Variants in DMPK observed in about 807,000 individuals in gnomAD.
DMPK encodes the protein DM1 protein kinase.
DMPK carries 32 observed loss-of-function variants against 70.3 expected under a neutral mutation model. The observed-to-expected ratio is 0.46, with a 90% CI of 0.34 to 0.61. The LOEUF (loss-of-function observed/expected upper bound fraction) is 0.61, where lower values mean the gene tolerates loss of function less well. Among genes scored for constraint, DMPK ranks in the 20% least tolerant of loss-of-function variants. The pLI, the probability that DMPK is intolerant of heterozygous loss-of-function variation, is 0.01. For missense variants in DMPK, 899 were observed against 886.0 expected (o/e 1.01, Z -0.19); for synonymous variants, 469 against 390.9 (o/e 1.20, Z -2.36).
At chr19:45,774,771 T>C (rs999295023) in intron 9 of DMPK, among the ~76,000 whole-genome samples, 178 bp downstream of exon 9, 1 of 152,204 alleles carries the variant, frequency 6.6e-6, no homozygotes, top group African/African-American at 2.4e-5. Context: ...ATCTAACATT[T>C]TGAAGTACAT....
At chr19:45,775,077 G>A (rs752005444) in intron 8 of DMPK, 43 bp from the exon 9 acceptor site, 22 of 1,495,858 alleles carry the variant, frequency 1.5e-5, no homozygotes, top group East Asian at 2.3e-5. Context: ...GTCAGGGCGG[G>A]CCCCTCACTG....
chr19:45,779,412 G>A (rs751311764), intron 3 of DMPK, 27 bp downstream of exon 3: 4 of 1,613,816 alleles, frequency 2.5e-6, no homozygotes, highest in East Asian at 4.5e-5. Context: ...GATCCTCAAA[G>A]CCCCCCACGT....
chr19:45,782,426 CCT>C lies in DMPK; in HGVS notation c.-76_-75del, dbSNP rs1257369643. 5.4e-5 allele frequency: 77 copies of C among 1,422,106 alleles called. No homozygotes were observed. Among genetic ancestry groups the C allele is most frequent in the Admixed American group, 2.3e-4 (8 of 35,458 alleles). The allele number at this position is 1,422,106 out of a possible 1,614,324, so 88.1% of individuals were successfully genotyped here. A position where few individuals can be genotyped will look rare whatever the true frequency, so the allele number is the denominator to read the frequency against. On this transcript the variant is annotated 5_prime_UTR_variant, in exon 1 of 15. It removes the in-frame stop codon of an upstream open reading frame in the 5' UTR. Coordinates refer to ENST00000291270, the MANE Select transcript of DMPK (RefSeq NM_004409.5). Reference sequence around the variant, plus strand: ...CCTCCTGTCACAGGGCCTGGCAGCCCCTGTCCAGGCCCTGGAGCCCTGGCTGC... The same window carrying C: ...CCTCCTGTCACAGGGCCTGGCAGCCCGTCCAGGCCCTGGAGCCCTGGCTGC...
intron 2 of DMPK, 34 bp from the exon 3 acceptor site, chr19:45,779,556 G>A (rs1408625878): frequency 5.0e-6 from 8 of 1,612,562 alleles, no homozygotes; most frequent in Non-Finnish European, 6.8e-6. Flanking sequence ...AGTGGAGACG[G>A]CGGGAAAACA....
chr19:45,770,265 C>CAGCAGCAGCAGCATT lies in DMPK; in HGVS notation c.*222_*223insAATGCTGCTGCTGCT, dbSNP rs1555786241. ...GCAGCAGCAGCAGCAGCAGCAGCAGCATTCCCGGCTACAAGGACCCTTCGA... is the reference window on the plus strand; with the variant it reads ...GCAGCAGCAGCAGCAGCAGCAGCAGCAGCAGCAGCAGCATTATTCCCGGCTACAAGGACCCTTCGA... On this transcript the variant is annotated 3_prime_UTR_variant, in exon 15 of 15. Transcript: ENST00000291270. The CAGCAGCAGCAGCATT allele has an allele frequency of 6.4e-5, 44 of 691,036 alleles. No individual in the cohort carries two copies. Among genetic ancestry groups the CAGCAGCAGCAGCATT allele is most frequent in the Middle Eastern group, 4.2e-4 (1 of 2,384 alleles). The allele number at this position is 691,036 out of a possible 1,614,324, so 42.8% of individuals were successfully genotyped here.
chr19:45,777,464 G>A lies in DMPK; in HGVS notation c.1009C>T (p.Pro337Ser). Residue 337 changes from proline to serine, a missense_variant, in exon 8 of 15, where the codon CCC becomes TCC. By Grantham distance (74) the Pro-to-Ser change is moderately conservative. Transcript: ENST00000291270. This position sits in a 1 kb window ranked among gnomAD's most constrained non-coding sequence, Gnocchi z 6.7. ...RGGAGDFRTH[P>S]FFFGLDWDGL... The stretch of plus-strand genomic sequence containing the variant: ...TCCCAGTCGAGGCCAAAGAAGAAGG[G>A]ATGTGTCCGGAAGTCGCCTGCTCCA... The A allele has an allele frequency of 3.1e-6, 5 of 1,613,456 alleles. No individual in the cohort carries two copies. Among genetic ancestry groups the A allele is most frequent in the Non-Finnish European group, 4.2e-6 (5 of 1,180,030 alleles).
In DMPK at chr19:45,771,901, G is replaced by C; in HGVS notation, c.1372C>G (p.Pro458Ala). ...ACCTCGGCCTCAGCCTCTGCCGCAG[G>C]GACAGCCGCTGGAACTGCCACTTCA... Reference protein sequence around the residue: ...TAEVAVPAAVPAAEAEAEVTL... With the variant: ...TAEVAVPAAVAAAEAEAEVTL... Residue 458 changes from proline to alanine, a missense_variant, in exon 11 of 15, where the codon CCT becomes GCT. By Grantham distance (27) the Pro-to-Ala change is conservative. Around this residue, in one of 3 missense-constraint regions of DMPK, gnomAD observed 555 missense variants for 483.8 expected, o/e 1.15. Coordinates refer to ENST00000291270, the MANE Select transcript of DMPK (RefSeq NM_004409.5). 2 of 1,596,696 alleles carry C rather than the reference G, an allele frequency of 1.3e-6. No homozygotes were observed. Among genetic ancestry groups the C allele is most frequent in the East Asian group, 4.6e-5 (2 of 43,920 alleles).
chr19:45,778,732 A>T, intron 4 of DMPK, 91 bp from the exon 5 acceptor site: 2 of 1,375,950 alleles, frequency 1.5e-6, no homozygotes, highest in Non-Finnish European at 1.0e-6. Flanking sequence ...GAGACACCCC[A>T]TCCTTGGGCA....
At position 45,778,501 on chromosome 19, in the gene DMPK, G is replaced by A. The variant is rs200173713; in HGVS notation, c.573C>T (p.Tyr191=). 1.4e-5 allele frequency: 23 copies of A among 1,613,642 alleles called. No homozygotes were observed. In the South Asian group the frequency reaches 1.6e-4, roughly 12 times the overall value. Residue 191 remains tyrosine, a synonymous_variant, in exon 5 of 15, where the codon TAC becomes TAT. Transcript: ENST00000291270. ...GGCCATGCTGCACCCACCTGTGCAC[G>A]TAGCCAAGCCGGTGCACCGAGTCTA... is the stretch of plus-strand genomic sequence containing the variant. ...MAIDSVHRLG[Y]VHRDIKPDNI...
In DMPK at chr19:45,771,056, T is replaced by C. The variant is rs1455538035; in HGVS notation, c.1652A>G (p.Asp551Gly). The C allele has an allele frequency of 2.0e-6, 3 of 1,520,604 alleles. No individual in the cohort carries two copies. The highest frequency in any genetic ancestry group is 2.6e-5 in the East Asian group (1 of 38,920). The allele number at this position is 1,520,604 out of a possible 1,614,324, so 94.2% of individuals were successfully genotyped here. A position where few individuals can be genotyped will look rare whatever the true frequency, so the allele number is the denominator to read the frequency against. ...GCCCACAGCCACGGCCGGGGGGCCA[T>C]CTAGCTGGAGAGAGAAGGGACAGGT... ...PRATDPPSHL[D>G]GPPAVAVGQC... The change falls in exon 14 of 15, where the codon GAT becomes GGT. Residue 551 changes from aspartate to glycine, a missense_variant. By Grantham distance (94) the Asp-to-Gly change is moderately conservative. Transcript: ENST00000291270.
Position 45,775,027 on chromosome 19 carries a change from A to G in DMPK, c.1154T>C (p.Leu385Pro). 3 of 1,613,746 alleles carry G rather than the reference A, an allele frequency of 1.9e-6. No individual in the cohort carries two copies. Among genetic ancestry groups the G allele is most frequent in the Non-Finnish European group, 1.7e-6 (2 of 1,179,904 alleles). Reference protein sequence around the residue: ...TAMVSGGGETLSDIREGAPLG... With the variant: ...TAMVSGGGETPSDIREGAPLG... ...CGGCGCACCTTCCCGAATGTCCGACAGTGTCTCCTGCGCAAGACACACAGA... is the reference window on the plus strand; with the variant it reads ...CGGCGCACCTTCCCGAATGTCCGACGGTGTCTCCTGCGCAAGACACACAGA... Residue 385 changes from leucine (L) to proline (P), a missense_variant, in exon 9 of 15, where the codon CTG becomes CCG. Transcript: ENST00000291270.
At position 45,770,168 on chromosome 19, in the gene DMPK, A is replaced by G; in HGVS notation, c.*320T>C. 1 of 657,170 alleles carries G rather than the reference A, an allele frequency of 1.5e-6. No individual in the cohort carries two copies. The highest frequency in any genetic ancestry group is 2.4e-5 in the Admixed American group (1 of 42,332). The allele number at this position is 657,170 out of a possible 1,614,324, so 40.7% of individuals were successfully genotyped here. On this transcript the variant is annotated 3_prime_UTR_variant, in exon 15 of 15. Transcript: ENST00000291270. Reference sequence around the variant, plus strand: ...GTTTGCCCATCCACGTCAGGGCCTCAGCCTGGCCGAAAGAAAGAAATGGTC... The same window carrying G: ...GTTTGCCCATCCACGTCAGGGCCTCGGCCTGGCCGAAAGAAAGAAATGGTC...
rs373509327 is a variant in DMPK at position 45,770,568 on chromosome 19, G to A, written c.1810C>T (p.Leu604=). 6.4e-7 allele frequency: 1 copy of A among 1,551,590 alleles called. No individual in the cohort carries two copies. Among genetic ancestry groups the A allele is most frequent in the Non-Finnish European group, 8.7e-7 (1 of 1,147,374 alleles). ...TGGGCCACCAACCCAATGCAGCCCA[G>A]GGCGGCGGCACGAGACAGAACAACG... is the stretch of plus-strand genomic sequence containing the variant. ...FAVVLSRAAA[L]GCIGLVAHAG... Residue 604 remains leucine, a synonymous_variant, in exon 15 of 15, where the codon CTG becomes TTG. Coordinates refer to ENST00000291270, the MANE Select transcript of DMPK (RefSeq NM_004409.5).
At chr19:45,780,316 C>A in intron 1 of DMPK, 1 of 1,564,424 alleles carries the variant, frequency 6.4e-7, no homozygotes, top group South Asian at 1.1e-5. Context: ...GGGGTTGTAT[C>A]CAGTACCTCT....
intron 1 of DMPK, among the ~76,000 whole-genome samples, chr19:45,781,618 G>A (rs1970123970): frequency 6.6e-6 from 1 of 152,220 alleles, no homozygotes; most frequent in Non-Finnish European, 1.5e-5. Flanking sequence ...TCGCAGAGGA[G>A]GGGGCACTGG....
At chr19:45,774,133 G>A (rs942776193) in intron 9 of DMPK, among the ~76,000 whole-genome samples, 28 of 151,262 alleles carry the variant, frequency 1.9e-4, no homozygotes, top group African/African-American at 5.6e-4. Context: ...TTGTTTTTTA[G>A]TAGAGATGAG....
intron 8 of DMPK, 94 bp from the exon 9 acceptor site, chr19:45,775,128 C>T (rs1218530056): frequency 2.2e-6 from 2 of 925,610 alleles, no homozygotes; most frequent in Non-Finnish European, 3.4e-6. Context: ...AAACCAGCCC[C>T]AACTCAGGGC....
chr19:45,779,773 C>T lies in DMPK; in HGVS notation c.252+5G>A. Reference sequence around the variant, plus strand: ...CAAGTCAGGCTCCCGCCCGGTTCGGCTTACCTCGCTGAACGCCCCGCGTCC... The same window carrying T: ...CAAGTCAGGCTCCCGCCCGGTTCGGTTTACCTCGCTGAACGCCCCGCGTCC... On this transcript the variant is annotated splice_donor_5th_base_variant and intron_variant, in intron 2 of 14. Coordinates refer to ENST00000291270, the MANE Select transcript of DMPK (RefSeq NM_004409.5). 6.4e-7 allele frequency: 1 copy of T among 1,553,758 alleles called. No individual in the cohort carries two copies. The highest frequency in any genetic ancestry group is 8.7e-7 in the Non-Finnish European group (1 of 1,148,746).
At chr19:45,770,688 C>T (rs1969347003) in intron 14 of DMPK, 48 bp from the exon 15 acceptor site, 1 of 1,534,888 alleles carries the variant, frequency 6.5e-7, no homozygotes, top group Non-Finnish European at 8.8e-7. Flanking sequence ...CTCTGATTGG[C>T]TCCTGGGACT....
Sources: allele counts gnomAD v4.1 joint callset (sites outside exome capture counted in the v4.1 genomes callset), GRCh38; gene constraint gnomAD v4.1.1; regional missense constraint gnomAD v4.1.1; non-coding constraint Gnocchi (gnomAD v3.1); transcripts MANE v1.5; gene names NCBI Gene and HGNC (gene_info 2026-07-23, HGNC 2026-07-21).